Variants in LAMA2 observed in about 807,000 individuals in gnomAD.
LAMA2 encodes laminin subunit alpha 2.
LAMA2 carries 269 observed loss-of-function variants against 364.8 expected under a neutral mutation model. The ratio of observed to expected loss-of-function variants is 0.74; its 90% CI spans 0.67 to 0.82. LAMA2 has a LOEUF of 0.82. Among genes scored for constraint, LAMA2 ranks in the 40% least tolerant of loss-of-function variants. The pLI, the probability that LAMA2 is intolerant of heterozygous loss-of-function variation, is 0.00. For synonymous variants in LAMA2, 1,379 were observed against 1,370.6 expected, an observed-to-expected ratio of 1.01 and a Z score of -0.14; for missense variants, 3,807 against 3,873.2, an observed-to-expected ratio of 0.98 and a Z score of 0.45.
intron 3 of LAMA2, among the ~76,000 whole-genome samples, chr6:129,063,368 A>G (rs1319332797): frequency 6.6e-6 from 1 of 152,130 alleles, no homozygotes; most frequent in Non-Finnish European, 1.5e-5. Context: ...AAAACATTCT[A>G]TTTTAGTCTT....
chr6:128,950,834 A>T (rs1223639716), intron 1 of LAMA2, among the ~76,000 whole-genome samples: 3 of 152,122 alleles, frequency 2.0e-5, no homozygotes, highest in Non-Finnish European at 4.4e-5. Context: ...ATATTACATT[A>T]TATATTCATG....
intron 3 of LAMA2, among the ~76,000 whole-genome samples, chr6:129,074,204 T>G (rs1562214562): frequency 6.6e-6 from 1 of 152,192 alleles, no homozygotes; most frequent in Non-Finnish European, 1.5e-5. Flanking sequence ...CCAAGGATCT[T>G]CTTAGTTTTT....
At chr6:129,308,285 T>C (rs927391893) in intron 22 of LAMA2, among the ~76,000 whole-genome samples, 58 of 77,508 alleles carry the variant, frequency 7.5e-4, no homozygotes, top group African/African-American at 2.4e-3. Flanking sequence ...ATGACTGACT[T>C]TTGCATTTTC....
At chr6:128,918,690 A>C (rs998179832) in intron 1 of LAMA2, among the ~76,000 whole-genome samples, 1 of 152,208 alleles carries the variant, frequency 6.6e-6, no homozygotes, top group Admixed American at 6.5e-5. Flanking sequence ...AAAAATGTAC[A>C]TTTTAAATTT....
intron 20 of LAMA2, among the ~76,000 whole-genome samples, chr6:129,294,733 G>T (rs900282438): frequency 6.6e-6 from 1 of 152,200 alleles, no homozygotes; most frequent in Non-Finnish European, 1.5e-5. Context: ...AGGTTGTCTT[G>T]CAGGTAGATC....
At chr6:128,912,541 T>C (rs1415307213) in intron 1 of LAMA2, among the ~76,000 whole-genome samples, 3 of 152,202 alleles carry the variant, frequency 2.0e-5, no homozygotes, top group African/African-American at 7.2e-5. Flanking sequence ...TAAAATCTAC[T>C]ATAATTATGG....
At chr6:128,923,091 A>T (rs537250357) in intron 1 of LAMA2, among the ~76,000 whole-genome samples, 2 of 145,128 alleles carry the variant, frequency 1.4e-5, no homozygotes, top group Non-Finnish European at 3.0e-5. Context: ...TACCAGTACC[A>T]TGCTGTTTTG....
chr6:129,443,370 G>A (rs1429302472), intron 44 of LAMA2, among the ~76,000 whole-genome samples: 1 of 152,058 alleles, frequency 6.6e-6, no homozygotes, highest in East Asian at 1.9e-4. Context: ...ATCACTTGAG[G>A]CCAGAAGTTT....
At chr6:129,049,009 T>C (rs193084980) in intron 1 of LAMA2, among the ~76,000 whole-genome samples, 34 of 152,274 alleles carry the variant, frequency 2.2e-4, no homozygotes, top group African/African-American at 8.2e-4. Context: ...ATTTTCTCCA[T>C]AAATAGAGTC....
At chr6:129,187,537 C>T (rs1781298133) in intron 10 of LAMA2, among the ~76,000 whole-genome samples, 1 of 151,736 alleles carries the variant, frequency 6.6e-6, no homozygotes, top group Non-Finnish European at 1.5e-5. Flanking sequence ...CCGCTAATGA[C>T]TTACCAATTC....
intron 1 of LAMA2, among the ~76,000 whole-genome samples, chr6:128,928,194 C>T (rs1261350268): frequency 1.3e-5 from 2 of 152,130 alleles, no homozygotes; most frequent in Non-Finnish European, 2.9e-5. Flanking sequence ...AATTGGTCTC[C>T]CCATCTAATA....
chr6:129,205,674 AG>A (rs1427525420), intron 12 of LAMA2, among the ~76,000 whole-genome samples: 32 of 152,062 alleles, frequency 2.1e-4, no homozygotes, highest in Non-Finnish European at 4.4e-4. Context: ...TTATTAAAAA[AG>A]GAAGGAAGAT....
Position 128,997,785 on chromosome 6 carries a change from ACT to A in LAMA2, c.113-52130_113-52129del, listed in dbSNP as rs576107099. Among the ~76,000 whole-genome samples the A allele has an allele frequency of 4.6e-5, 7 of 152,118 alleles. No individual in the cohort carries two copies. The South Asian group carries it at 1.5e-3, about 32-fold the overall frequency. On this transcript the variant is annotated intron_variant, in intron 1 of 64. Transcript: ENST00000421865. ...ACTCCAGCCTGGCCAACAGAGCGAG[ACT>A]CTGTCTCAAAAGAAAAAAAAAGTTT...
At chr6:129,248,002 C>G (rs945636340) in intron 12 of LAMA2, among the ~76,000 whole-genome samples, 1 of 152,154 alleles carries the variant, frequency 6.6e-6, no homozygotes, top group African/African-American at 2.4e-5. Context: ...CCGGGCTATA[C>G]AGGTCTGTGG....
chr6:129,361,405 A>C (rs563538056), intron 32 of LAMA2, among the ~76,000 whole-genome samples: 1 of 152,344 alleles, frequency 6.6e-6, no homozygotes, highest in African/African-American at 2.4e-5. Flanking sequence ...TCAGTTATAC[A>C]TTCCAAAGTT....
At chr6:129,341,116 C>T (rs1187558491) in intron 29 of LAMA2, among the ~76,000 whole-genome samples, 1 of 152,164 alleles carries the variant, frequency 6.6e-6, no homozygotes, top group Non-Finnish European at 1.5e-5. Flanking sequence ...GAAATGACGT[C>T]AGCTATTGTT....
At chr6:128,910,466 G>T (rs527763635) in intron 1 of LAMA2, among the ~76,000 whole-genome samples, 1 of 151,740 alleles carries the variant, frequency 6.6e-6, no homozygotes, top group Admixed American at 6.6e-5. Context: ...CGTAGTTCTC[G>T]AGCCTTGGTT....
rs148932069 is a variant in LAMA2, at chr6:129,030,328, G to T, written c.113-19590G>T. 3.2e-4 allele frequency among the ~76,000 whole-genome samples: 49 copies of T among 152,080 alleles called. No individual in the cohort carries two copies. In the East Asian group the frequency reaches 8.7e-3, roughly 27 times the overall value. ...GGGTCTGAAGCTCTTTGAAGGCAAG[G>T]GTCCTTGACTATGTTGTTCATTGTT... On this transcript the variant is annotated intron_variant, in intron 1 of 64. Transcript: ENST00000421865.
chr6:129,122,918 C>T (rs568575597), intron 4 of LAMA2, among the ~76,000 whole-genome samples: 1 of 152,152 alleles, frequency 6.6e-6, no homozygotes, highest in Admixed American at 6.5e-5. Flanking sequence ...ATAAGATAAG[C>T]TTAAATTATA....
Sources: gnomAD v4.1 joint callset for allele counts (sites outside exome capture counted in the v4.1 genomes callset) on GRCh38, gnomAD v4.1.1 for gene constraint, MANE v1.5 for transcripts, NCBI Gene and HGNC (gene_info 2026-07-23, HGNC 2026-07-21) for gene names.